Variants in ZDHHC11 observed in about 807,000 individuals in gnomAD.
ZDHHC11 encodes the protein palmitoyltransferase ZDHHC11.
In ZDHHC11, 44 loss-of-function variants were observed where a neutral mutation model predicts 51.3. The ratio of observed to expected loss-of-function variants is 0.86; its 90% CI spans 0.67 to 1.10. The LOEUF is 1.10. Ranked by LOEUF, ZDHHC11 falls within the 50% of genes least tolerant of loss-of-function variation. The pLI is 0.00. For synonymous variants in ZDHHC11, 163 were observed against 222.0 expected (o/e 0.73, Z 2.36); for missense variants, 400 against 537.7 (o/e 0.74, Z 2.53).
At chr5:812,981 T>C (rs201916467) in intron 11 of ZDHHC11, among the ~76,000 whole-genome samples, 7,552 of 121,714 alleles carry the variant, frequency 0.062, 1,027 homozygotes, top group African/African-American at 0.22. Context: ...CTGATACAAT[T>C]AGCATGTAAC....
At chr5:836,866 G>C (rs1743928286) in intron 6 of ZDHHC11, among the ~76,000 whole-genome samples, 1 of 149,902 alleles carries the variant, frequency 6.7e-6, no homozygotes, top group South Asian at 2.1e-4. Flanking sequence ...TTTGAGACCA[G>C]CCTGGCGTGT....
rs993711319 is a variant in ZDHHC11 at position 799,407 on chromosome 5, G to T, written c.*7+1693C>A. On this transcript the variant is annotated intron_variant, in intron 12 of 12. Coordinates refer to ENST00000283441, the MANE Select transcript of ZDHHC11 (RefSeq NM_024786.3). Reference sequence around the variant, plus strand: ...CATCAGAATCATAAGCCAAATACACGATTTTTCTTTATAAATTACCCAGGC... The same window carrying T: ...CATCAGAATCATAAGCCAAATACACTATTTTTCTTTATAAATTACCCAGGC... Among the ~76,000 whole-genome samples, 106 of 151,444 alleles carry T rather than the reference G, an allele frequency of 7.0e-4. 2 individuals are homozygous for T. The highest frequency in any genetic ancestry group is 1.4e-3 in the Non-Finnish European group (96 of 67,746).
At chr5:815,909 T>C (rs996530689) in intron 10 of ZDHHC11, among the ~76,000 whole-genome samples, 1 of 151,604 alleles carries the variant, frequency 6.6e-6, no homozygotes, top group Non-Finnish European at 1.5e-5. Flanking sequence ...GTGCCTGGCT[T>C]ATCTTGTTGA....
chr5:822,114 T>C lies in ZDHHC11; in HGVS notation c.1024-219A>G, dbSNP rs964852951. Reference sequence around the variant, plus strand: ...CTATATCCTCCTCCAAATTCATAGGTTGACATCCTGACACCCAGTACCTCA... The same window carrying C: ...CTATATCCTCCTCCAAATTCATAGGCTGACATCCTGACACCCAGTACCTCA... On this transcript the variant is annotated intron_variant, in intron 8 of 12. Coordinates refer to ENST00000283441, the MANE Select transcript of ZDHHC11 (RefSeq NM_024786.3). Among the ~76,000 whole-genome samples, 6 of 151,380 alleles carry C rather than the reference T, an allele frequency of 4.0e-5. 1 individual carries two copies. Among genetic ancestry groups the C allele is most frequent in the Non-Finnish European group, 8.9e-5 (6 of 67,706 alleles).
chr5:822,668 C>A (rs1272230711), intron 8 of ZDHHC11, among the ~76,000 whole-genome samples: 3 of 151,212 alleles, frequency 2.0e-5, no homozygotes, highest in Non-Finnish European at 4.4e-5. Flanking sequence ...ATATTGATCA[C>A]CTTTTTTTAT....
At chr5:838,802 G>A (rs1346961596) in intron 5 of ZDHHC11, among the ~76,000 whole-genome samples, 15 of 151,336 alleles carry the variant, frequency 9.9e-5, no homozygotes, top group South Asian at 6.2e-4. Flanking sequence ...CTGCTCTGCC[G>A]CCTGAGGCAA....
chr5:855,766 G>C (rs1451039985), upstream of ZDHHC11, among the ~76,000 whole-genome samples: 1 of 137,484 alleles, frequency 7.3e-6, no homozygotes, highest in African/African-American at 2.5e-5. Flanking sequence ...CAGCGAGCGA[G>C]GGTTACAGAC....
intron 4 of ZDHHC11, chr5:841,250 ATCCTT>A (rs1744870130): frequency 9.8e-7 from 1 of 1,016,354 alleles, no homozygotes; most frequent in South Asian, 3.5e-5. Flanking sequence ...CCCAGCACCC[ATCCTT>A]TCCTAAGTGC....
intron 6 of ZDHHC11, among the ~76,000 whole-genome samples, chr5:834,417 C>T (rs1407286423): frequency 2.0e-5 from 3 of 152,284 alleles, no homozygotes; most frequent in Non-Finnish European, 4.4e-5. Flanking sequence ...TCAAGCAATC[C>T]TCTTGCTTGG....
intron 4 of ZDHHC11, chr5:842,760 C>G (rs190770559): frequency 0.011 from 9,655 of 883,922 alleles, no homozygotes; most frequent in Admixed American, 0.018. Context: ...GCTCTGACGT[C>G]CAGCTGCAGG....
intron 3 of ZDHHC11, among the ~76,000 whole-genome samples, chr5:846,786 A>T (rs200841528): frequency 0.023 from 1,441 of 62,890 alleles, 38 homozygotes; most frequent in African/African-American, 0.1. Flanking sequence ...CCTCTCGTCT[A>T]TGAGCCTCCA....
In ZDHHC11 at chr5:831,289, A is replaced by T. The variant is rs1166540269; in HGVS notation, c.935+2484T>A. On this transcript the variant is annotated intron_variant, in intron 7 of 12. Transcript: ENST00000283441. ...GGAACTCAAACAAATCCGCAAGAAA[A>T]AACAAATCATCCAATTGGGTGTGGT... 1.3e-5 allele frequency among the ~76,000 whole-genome samples: 2 copies of T among 149,526 alleles called. 1 individual carries two copies. Among genetic ancestry groups the T allele is most frequent in the Non-Finnish European group, 3.0e-5 (2 of 67,186 alleles).
chr5:819,435 T>C, intron 10 of ZDHHC11, 90 bp downstream of exon 10: 7 of 1,404,352 alleles, frequency 5.0e-6, no homozygotes, highest in Non-Finnish European at 7.0e-6. Context: ...CCCTTTTGAA[T>C]ACTACCTTAA....
intron 4 of ZDHHC11, chr5:840,975 A>G: frequency 7.6e-7 from 1 of 1,318,986 alleles, no homozygotes; most frequent in South Asian, 1.6e-5. Context: ...CCAGGGTCAC[A>G]GCGCCCACCC....
In ZDHHC11 at chr5:850,816, A is replaced by G. The variant is rs1290016091; in HGVS notation, c.-214T>C. On this transcript the variant is annotated 5_prime_UTR_variant, in exon 1 of 13. An upstream start codon of the reference 5' UTR is lost. Coordinates refer to ENST00000283441, the MANE Select transcript of ZDHHC11 (RefSeq NM_024786.3). Reference sequence around the variant, plus strand: ...GCCCCGCCCAGGGGAATGAACAGACATGCTGCAGAATGTGACCCCGGCCAG... The same window carrying G: ...GCCCCGCCCAGGGGAATGAACAGACGTGCTGCAGAATGTGACCCCGGCCAG... 9.5e-6 allele frequency: 6 copies of G among 632,248 alleles called. No homozygotes were observed. In the Admixed American group the frequency reaches 1.2e-4, roughly 12 times the overall value. The allele number at this position is 632,248 out of a possible 1,614,324, so 39.2% of individuals were successfully genotyped here. A position where few individuals can be genotyped will look rare whatever the true frequency, so the allele number is the denominator to read the frequency against.
chr5:813,217 A>T (rs1740319926), intron 11 of ZDHHC11, among the ~76,000 whole-genome samples: 1 of 142,102 alleles, frequency 7.0e-6, no homozygotes, highest in South Asian at 2.3e-4. Flanking sequence ...GGTCCCAGCT[A>T]CTTGGGAGGC....
rs1440014370 is a variant in ZDHHC11, at chr5:840,511, G to A, written c.768C>T (p.Ile256=). The A allele has an allele frequency of 2.3e-5, 37 of 1,613,618 alleles. No individual in the cohort carries two copies. The highest frequency in any genetic ancestry group is 3.1e-5 in the Non-Finnish European group (37 of 1,179,888). The change falls in exon 5 of 13, where the codon ATC becomes ATT. Residue 256 remains isoleucine, a synonymous_variant. Transcript: ENST00000283441. The part of the protein sequence containing the change: ...LGLVHLGQLL[I]FHIYLKAKKM... ...GGGACATACTCAGGTAGATGTGGAAGATGAGCAGCTGGCCCAGGTGCACCA... is the reference window on the plus strand; with the variant it reads ...GGGACATACTCAGGTAGATGTGGAAAATGAGCAGCTGGCCCAGGTGCACCA...
At chr5:815,242 C>T (rs1472908031) in intron 10 of ZDHHC11, among the ~76,000 whole-genome samples, 1 of 151,476 alleles carries the variant, frequency 6.6e-6, no homozygotes, top group Non-Finnish European at 1.5e-5. Context: ...AGACACCAAC[C>T]CTGCAGACAC....
rs72503655 is a variant in ZDHHC11, at chr5:795,853, C to T, written c.*735G>A. On this transcript the variant is annotated 3_prime_UTR_variant, in exon 13 of 13. Transcript: ENST00000283441. ...CTCCCATTTCCCAGTACTATGCTCC[C>T]ATTTCCGAGTACTGTGAACTCCCCT... 2 of 78,796 alleles carry T rather than the reference C, an allele frequency of 2.5e-5. No homozygotes were observed. The highest frequency in any genetic ancestry group is 5.0e-4 in the African/African-American group (2 of 3,970). The allele number at this position is 78,796 out of a possible 1,614,324, so 4.9% of individuals were successfully genotyped here.
Sources: allele counts gnomAD v4.1 joint callset (sites outside exome capture counted in the v4.1 genomes callset), GRCh38; gene constraint gnomAD v4.1.1; transcripts MANE v1.5; gene names NCBI Gene and HGNC (gene_info 2026-07-23, HGNC 2026-07-21).